ZYG11B: variants seen among roughly 807,000 people sequenced by gnomAD.
ZYG11B encodes zyg-11 family member B, cell cycle regulator, also known as protein zyg-11 homolog B.
Under a neutral mutation model 82.4 loss-of-function variants are expected in ZYG11B, and 36 were observed. The observed-to-expected ratio is 0.44, with a 90% CI of 0.33 to 0.58. The LOEUF is 0.58. Ranked by LOEUF, ZYG11B falls within the 20% of genes least tolerant of loss-of-function variation. The pLI is 0.02. For synonymous variants in ZYG11B, 303 were observed against 312.8 expected, an observed-to-expected ratio of 0.97 and a Z score of 0.33; for missense variants, 552 against 895.6, an observed-to-expected ratio of 0.62 and a Z score of 4.90.
rs908277008 is a variant in ZYG11B, at chr1:52,756,697, A to G, written c.196+74A>G. The G allele has an allele frequency of 2.8e-6, 4 of 1,421,920 alleles. No homozygotes were observed. The African/African-American group carries it at 5.7e-5, about 20-fold the overall frequency. The allele number at this position is 1,421,920 out of a possible 1,614,324, so 88.1% of individuals were successfully genotyped here. A position where few individuals can be genotyped will look rare whatever the true frequency, so the allele number is the denominator to read the frequency against. ...TTGATTTTGAAGTGCTACAGTAGCC[A>G]TTTAATTATTTTCTTAGAAATAACT... On this transcript the variant is annotated intron_variant, in intron 2 of 13. Transcript: ENST00000294353.
In ZYG11B at chr1:52,803,455, A is replaced by C. The variant is rs371817113; in HGVS notation, c.1695+1316A>C. Among the ~76,000 whole-genome samples the C allele has an allele frequency of 5.0e-3, 711 of 141,708 alleles. 3 individuals are homozygous for C. Among genetic ancestry groups the C allele is most frequent in the Non-Finnish European group, 7.9e-3 (511 of 64,502 alleles). The allele number at this position is 141,708 out of a possible 152,430, so 93.0% of individuals were successfully genotyped here. On this transcript the variant is annotated intron_variant, in intron 10 of 13. Transcript: ENST00000294353. The stretch of plus-strand genomic sequence containing the variant: ...TCCATCTCAAAAGAAAAAAAAAAAA[A>C]ACCACAACACATATATGTGTGTGTG...
At chr1:52,810,880 T>C (rs12064960) in intron 10 of ZYG11B, among the ~76,000 whole-genome samples, 5,645 of 151,880 alleles carry the variant, frequency 0.037, 328 homozygotes, top group African/African-American at 0.13. Context: ...ACTAAAAATA[T>C]AAAAATTAGC....
At chr1:52,773,627 ATTTTTTTTTTT>A (rs560456264) in intron 3 of ZYG11B, among the ~76,000 whole-genome samples, 7 of 29,226 alleles carry the variant, frequency 2.4e-4, no homozygotes, top group Non-Finnish European at 3.0e-4. Flanking sequence ...ATATATATAT[ATTTTTTTTTTT>A]TTTTTTTTTT....
At chr1:52,776,809 T>C (rs1383481960) in intron 3 of ZYG11B, among the ~76,000 whole-genome samples, 2 of 152,164 alleles carry the variant, frequency 1.3e-5, no homozygotes, top group Non-Finnish European at 2.9e-5. Context: ...CTGAACACTT[T>C]GAAAAATTTT....
intron 1 of ZYG11B, among the ~76,000 whole-genome samples, chr1:52,729,911 G>A (rs1571734839): frequency 6.6e-6 from 1 of 152,040 alleles, no homozygotes; most frequent in African/African-American, 2.4e-5. Flanking sequence ...AGGCTCAAGC[G>A]ATCCTCTCAC....
chr1:52,785,735 A>G (rs925590280), intron 5 of ZYG11B, among the ~76,000 whole-genome samples: 2 of 152,098 alleles, frequency 1.3e-5, no homozygotes, highest in Admixed American at 6.6e-5. Flanking sequence ...GATTACAGCC[A>G]CCTCACCCGG....
In ZYG11B at chr1:52,821,811, C is replaced by G. The variant is rs1645286636; in HGVS notation, c.*182C>G. On this transcript the variant is annotated 3_prime_UTR_variant, in exon 14 of 14. Transcript: ENST00000294353. ...CTCTAATTTGTCTTGTGATTTTAAA[C>G]TTATGAGTCAAGAAGGGTCTCTTCC... 2.1e-6 allele frequency: 1 copy of G among 486,458 alleles called. No homozygotes were observed. Among genetic ancestry groups the G allele is most frequent in the African/African-American group, 1.9e-5 (1 of 51,308 alleles). 30.1% of individuals were successfully genotyped at this position (486,458 alleles called of 1,614,324 possible). A position where few individuals can be genotyped will look rare whatever the true frequency, so the allele number is the denominator to read the frequency against.
intron 10 of ZYG11B, among the ~76,000 whole-genome samples, chr1:52,803,103 T>TATATATATATATACAC (rs1645094466): frequency 2.9e-4 from 23 of 79,730 alleles, no homozygotes; most frequent in South Asian, 3.8e-4. Context: ...TATATACATA[T>TATATATATATATACAC]ATATATATAT....
At chr1:52,800,754 GA>G (rs1035271057) in intron 8 of ZYG11B, among the ~76,000 whole-genome samples, 3 of 152,034 alleles carry the variant, frequency 2.0e-5, no homozygotes, top group African/African-American at 7.3e-5. Flanking sequence ...AGGTCGCAGT[GA>G]GCTGAGATTG....
chr1:52,816,780 CTTTTTTTTTTTTT>C (rs71044423), intron 13 of ZYG11B, 151 bp downstream of exon 13: 3 of 264,250 alleles, frequency 1.1e-5, no homozygotes, highest in Non-Finnish European at 1.9e-5. Context: ...TTAAGGTATT[CTTTTTTTTTTTTT>C]TTTTTTTTTT....
intron 3 of ZYG11B, among the ~76,000 whole-genome samples, chr1:52,777,164 C>G (rs201243104): frequency 6.6e-6 from 1 of 151,632 alleles, no homozygotes; most frequent in African/African-American, 2.4e-5. Context: ...GAGCCGAGAT[C>G]GTGCCACTGC....
intron 5 of ZYG11B, among the ~76,000 whole-genome samples, chr1:52,786,564 C>T (rs899964707): frequency 6.6e-6 from 1 of 152,014 alleles, no homozygotes; most frequent in African/African-American, 2.4e-5. Context: ...ACTTGGGCAA[C>T]ATAGTGAGGC....
chr1:52,755,661 C>T (rs1172168510), intron 1 of ZYG11B, among the ~76,000 whole-genome samples: 1 of 152,198 alleles, frequency 6.6e-6, no homozygotes, highest in African/African-American at 2.4e-5. Context: ...GCCGCCACAC[C>T]TGGCTAATTT....
At chr1:52,819,792 A>AAAT (rs67913247) in intron 13 of ZYG11B, among the ~76,000 whole-genome samples, 2,428 of 149,640 alleles carry the variant, frequency 0.016, 94 homozygotes, top group African/African-American at 0.056. Flanking sequence ...TCTGAAAAAA[A>AAAT]AATAATAATA....
At chr1:52,765,663 G>A (rs974743948) in intron 2 of ZYG11B, among the ~76,000 whole-genome samples, 3 of 151,868 alleles carry the variant, frequency 2.0e-5, no homozygotes, top group South Asian at 2.1e-4. Flanking sequence ...CACCATGCCC[G>A]ACTAATTAAA....
At chr1:52,737,584 A>C (rs1373445746) in intron 1 of ZYG11B, among the ~76,000 whole-genome samples, 1 of 152,056 alleles carries the variant, frequency 6.6e-6, no homozygotes, top group Non-Finnish European at 1.5e-5. Flanking sequence ...TGGCTAACAT[A>C]GTGGGAGCCC....
intron 13 of ZYG11B, among the ~76,000 whole-genome samples, chr1:52,817,057 C>T (rs985744814): frequency 3.9e-5 from 6 of 152,042 alleles, no homozygotes; most frequent in Non-Finnish European, 7.4e-5. Context: ...CCGCCTAAGC[C>T]TCCCAAAGTG....
chr1:52,728,883 AAGT>A (rs1644306993), intron 1 of ZYG11B, among the ~76,000 whole-genome samples: 1 of 151,998 alleles, frequency 6.6e-6, no homozygotes. Flanking sequence ...TTAAGAAAGA[AAGT>A]AGGAAGGAAT....
At chr1:52,754,877 A>G (rs1410688696) in intron 1 of ZYG11B, among the ~76,000 whole-genome samples, 2 of 151,572 alleles carry the variant, frequency 1.3e-5, no homozygotes, top group Non-Finnish European at 2.9e-5. Context: ...ATTTTTCTAT[A>G]TGATGTGAGA....
Sources: allele counts gnomAD v4.1 joint callset (sites outside exome capture counted in the v4.1 genomes callset), GRCh38; gene constraint gnomAD v4.1.1; transcripts MANE v1.5; gene names NCBI Gene and HGNC (gene_info 2026-07-23, HGNC 2026-07-21).